VAV3: variants seen among roughly 807,000 people sequenced by gnomAD.
The protein encoded by VAV3 is guanine nucleotide exchange factor VAV3.
A neutral mutation model predicts 131.2 loss-of-function variants in VAV3; 94 were observed. The observed-to-expected ratio is 0.72, with a 90% CI of 0.61 to 0.85. VAV3 has a LOEUF of 0.85. Ranked by LOEUF, VAV3 falls within the 40% of genes least tolerant of loss-of-function variation. The pLI is 0.00. For synonymous variants in VAV3, 349 were observed against 342.0 expected (o/e 1.02, Z -0.22); for missense variants, 939 against 1,002.7 (o/e 0.94, Z 0.86).
At chr1:107,661,708 T>C (rs929266907) in intron 19 of VAV3, among the ~76,000 whole-genome samples, 2 of 152,240 alleles carry the variant, frequency 1.3e-5, no homozygotes, top group African/African-American at 4.8e-5. Flanking sequence ...AAAATTTTTC[T>C]GCATTTCTTG....
chr1:107,849,068 A>G (rs1669107040), intron 2 of VAV3, among the ~76,000 whole-genome samples: 2 of 152,168 alleles, frequency 1.3e-5, no homozygotes, highest in African/African-American at 2.4e-5. Context: ...CAACGAAATA[A>G]AAGAGGACAC....
At chr1:107,741,884 T>C (rs962556921) in intron 15 of VAV3, among the ~76,000 whole-genome samples, 1 of 152,176 alleles carries the variant, frequency 6.6e-6, no homozygotes, top group Admixed American at 6.5e-5. Context: ...ACAGGCTAGA[T>C]AAAATGAGAA....
intron 9 of VAV3, 39 bp downstream of exon 9, chr1:107,765,037 T>G (rs1344799418): frequency 1.4e-6 from 2 of 1,429,668 alleles, no homozygotes; most frequent in Non-Finnish European, 2.0e-6. Flanking sequence ...CTTTTAGGTT[T>G]ATTTTGCTTT....
At chr1:107,591,124 G>A (rs1348255178) in intron 25 of VAV3, among the ~76,000 whole-genome samples, 2 of 151,900 alleles carry the variant, frequency 1.3e-5, no homozygotes, top group African/African-American at 2.4e-5. Context: ...GTTCCCTATT[G>A]GCCACCACCC....
At chr1:107,919,710 C>T (rs938669052) in intron 1 of VAV3, among the ~76,000 whole-genome samples, 19 of 151,944 alleles carry the variant, frequency 1.3e-4, no homozygotes, top group African/African-American at 4.6e-4. Context: ...TAAATACTAA[C>T]ATGTTATATA....
intron 1 of VAV3, among the ~76,000 whole-genome samples, chr1:107,905,995 A>G (rs1187754607): frequency 6.6e-6 from 1 of 152,232 alleles, no homozygotes; most frequent in Non-Finnish European, 1.5e-5. Context: ...AGCAAAGGGC[A>G]CCACCAGAAT....
At chr1:107,957,160 G>T (rs1674852554) in intron 1 of VAV3, among the ~76,000 whole-genome samples, 1 of 152,114 alleles carries the variant, frequency 6.6e-6, no homozygotes, top group Non-Finnish European at 1.5e-5. Flanking sequence ...CCTTCTTTAT[G>T]ACACTTCTGT....
chr1:107,836,715 C>A (rs1204947764), intron 2 of VAV3, among the ~76,000 whole-genome samples: 1 of 151,988 alleles, frequency 6.6e-6, no homozygotes, highest in East Asian at 1.9e-4. Context: ...TAAGCATGAT[C>A]AAAAATGGCA....
intron 2 of VAV3, among the ~76,000 whole-genome samples, chr1:107,849,050 C>T (rs1467398353): frequency 6.6e-6 from 1 of 152,068 alleles, no homozygotes; most frequent in African/African-American, 2.4e-5. Context: ...GAACTACAAA[C>T]CTCTGCTCAA....
Position 107,964,766 on chromosome 1 carries a change from T to TA in VAV3, c.103_104insT (p.Gln35LeufsTer14). Reference sequence around the variant, plus strand: ...GAGCAGGACTCCATCGCGGAGGGTCTGCGCAAGGTCGAACACCTGAGCCGA... The same window carrying TA: ...GAGCAGGACTCCATCGCGGAGGGTCTAGCGCAAGGTCGAACACCTGAGCCGA... On this transcript the variant is annotated frameshift_variant, in exon 1 of 27. Transcript: ENST00000370056. LOFTEE classifies it high-confidence loss of function. 1 of 1,614,058 alleles carries TA rather than the reference T, an allele frequency of 6.2e-7. No individual in the cohort carries two copies. Among genetic ancestry groups the TA allele is most frequent in the East Asian group, 2.2e-5 (1 of 44,848 alleles).
At chr1:107,897,265 T>G (rs1671631480) in intron 1 of VAV3, 1 of 151,020 alleles carries the variant, frequency 6.6e-6, no homozygotes, top group Admixed American at 6.6e-5. Flanking sequence ...ACTACTACTT[T>G]CATATGTAGG....
intron 15 of VAV3, among the ~76,000 whole-genome samples, chr1:107,721,216 G>T (rs1042776198): frequency 6.6e-6 from 1 of 152,200 alleles, no homozygotes; most frequent in Non-Finnish European, 1.5e-5. Context: ...GACAGCTATG[G>T]TGGGGGAGGA....
chr1:107,948,406 A>T (rs533187768), intron 1 of VAV3, among the ~76,000 whole-genome samples: 4 of 152,324 alleles, frequency 2.6e-5, no homozygotes, highest in African/African-American at 7.2e-5. Context: ...CTGCATTTAG[A>T]CTGGTTCTGG....
At chr1:107,909,919 A>G (rs1672289884) in intron 1 of VAV3, among the ~76,000 whole-genome samples, 1 of 152,236 alleles carries the variant, frequency 6.6e-6, no homozygotes, top group Admixed American at 6.5e-5. Context: ...CAAATCGGTT[A>G]CAGGTTATTT....
chr1:107,893,583 G>C (rs138144865), intron 1 of VAV3, among the ~76,000 whole-genome samples: 1 of 152,038 alleles, frequency 6.6e-6, no homozygotes, highest in African/African-American at 2.4e-5. Flanking sequence ...GGCAAAAAAA[G>C]CTTCCGGAGG....
intron 2 of VAV3, among the ~76,000 whole-genome samples, chr1:107,839,972 T>G (rs965222473): frequency 1.5e-4 from 23 of 151,914 alleles, no homozygotes; most frequent in African/African-American, 5.6e-4. Context: ...ACAGGAGAAA[T>G]AGATAATACC....
intron 2 of VAV3, among the ~76,000 whole-genome samples, chr1:107,790,933 G>A (rs184036503): frequency 4.6e-5 from 7 of 151,904 alleles, no homozygotes; most frequent in South Asian, 4.2e-4. Context: ...TGATCTGCCC[G>A]CCTCGGACTC....
In VAV3 at chr1:107,623,021, G is replaced by A. The variant is rs530924895; in HGVS notation, c.1915-5389C>T. 3.9e-5 allele frequency among the ~76,000 whole-genome samples: 6 copies of A among 152,268 alleles called. No individual in the cohort carries two copies. The South Asian group carries it at 8.3e-4, about 21-fold the overall frequency. ...AAGAGGAAGTGATCAGGAAAAGACC[G>A]AGTCAGAAACTAGCCTTTGGTAAGG... On this transcript the variant is annotated intron_variant, in intron 20 of 26. Coordinates refer to ENST00000370056, the MANE Select transcript of VAV3 (RefSeq NM_006113.5).
chr1:107,802,275 A>C (rs1489430523), intron 2 of VAV3, among the ~76,000 whole-genome samples: 2 of 152,014 alleles, frequency 1.3e-5, no homozygotes, highest in Non-Finnish European at 2.9e-5. Context: ...GATTTTTCTA[A>C]ATAAATGTTC....
Sources: gnomAD v4.1 joint callset for allele counts (sites outside exome capture counted in the v4.1 genomes callset) on GRCh38, gnomAD v4.1.1 for gene constraint, MANE v1.5 for transcripts, NCBI Gene and HGNC (gene_info 2026-07-23, HGNC 2026-07-21) for gene names.